EPS8: variants seen among roughly 807,000 people sequenced by gnomAD.
EPS8 encodes the protein epidermal growth factor receptor kinase substrate 8.
EPS8 carries 42 observed loss-of-function variants against 103.8 expected under a neutral mutation model. The ratio of observed to expected loss-of-function variants is 0.40; its 90% confidence interval spans 0.32 to 0.52. The LOEUF (loss-of-function observed/expected upper bound fraction) is 0.52, where lower values mean the gene tolerates loss of function less well. EPS8 is among the 20% of genes least tolerant of loss of function. The probability of loss-of-function intolerance (pLI) is 0.40; values close to 1 mark genes in which losing one functional copy is unlikely to be tolerated. For synonymous variants in EPS8, 344 were observed against 344.6 expected (o/e 1.00, Z 0.02); for missense variants, 969 against 1,005.1 (o/e 0.96, Z 0.49).
chr12:15,667,929 A>G (rs1392376461), intron 6 of EPS8, among the ~76,000 whole-genome samples: 1 of 152,130 alleles, frequency 6.6e-6, no homozygotes, highest in Non-Finnish European at 1.5e-5. Flanking sequence ...TTTGTTCCCA[A>G]ACCTAAAATC....
chr12:15,626,725 C>T (rs778486285), intron 18 of EPS8, among the ~76,000 whole-genome samples: 3 of 151,686 alleles, frequency 2.0e-5, no homozygotes, highest in Non-Finnish European at 4.4e-5. Flanking sequence ...AAAGGCCCTA[C>T]AAGACCTCCA....
chr12:15,673,300 A>G (rs1945847757), intron 3 of EPS8, among the ~76,000 whole-genome samples: 1 of 151,840 alleles, frequency 6.6e-6, no homozygotes, highest in Non-Finnish European at 1.5e-5. Flanking sequence ...AAATGTATAA[A>G]TGCCATAAAT....
chr12:15,664,314 CT>C (rs1464109314), intron 8 of EPS8, among the ~76,000 whole-genome samples: 3 of 151,750 alleles, frequency 2.0e-5, no homozygotes, highest in East Asian at 3.9e-4. Flanking sequence ...TCAAAGAATT[CT>C]TTTTTTCATA....
intron 15 of EPS8, among the ~76,000 whole-genome samples, chr12:15,644,326 G>C (rs1463327442): frequency 6.6e-6 from 1 of 152,102 alleles, no homozygotes; most frequent in Non-Finnish European, 1.5e-5. Flanking sequence ...GGCATCTCTG[G>C]AGTCTCTCTG....
At chr12:15,715,305 T>A (rs1946517508) in intron 1 of EPS8, among the ~76,000 whole-genome samples, 1 of 150,918 alleles carries the variant, frequency 6.6e-6, no homozygotes, top group Non-Finnish European at 1.5e-5. Context: ...CAGCCCAACA[T>A]CCCCCTTGGC....
At chr12:15,788,826 C>G (rs1207763225) in intron 1 of EPS8, among the ~76,000 whole-genome samples, 3 of 152,162 alleles carry the variant, frequency 2.0e-5, no homozygotes, top group Non-Finnish European at 2.9e-5. Context: ...GCAGTCGCCC[C>G]ACGGACCAGA....
In EPS8 at chr12:15,667,040, T is replaced by C. The variant is rs191248142; in HGVS notation, c.517-518A>G. ...TGTCACTTCAGGTAAAAGTTAACTT[T>C]CTGCAAACAATTAACTTTTCCACTA... On this transcript the variant is annotated intron_variant, in intron 6 of 20. Transcript: ENST00000281172. 6.6e-5 allele frequency among the ~76,000 whole-genome samples: 10 copies of C among 152,338 alleles called. No individual in the cohort carries two copies. The East Asian group carries it at 1.5e-3, about 23-fold the overall frequency.
rs1399153452 is a variant in EPS8 at position 15,760,761 on chromosome 12, AAAAACCCTC to A, written c.-22+28391_-22+28399del. Among the ~76,000 whole-genome samples, 2 of 152,128 alleles carry A rather than the reference AAAAACCCTC, an allele frequency of 1.3e-5. No individual in the cohort carries two copies. The highest frequency in any genetic ancestry group is 2.9e-5 in the Non-Finnish European group (2 of 67,958). On this transcript the variant is annotated intron_variant, in intron 1 of 20. Coordinates refer to ENST00000281172, the MANE Select transcript of EPS8 (RefSeq NM_004447.6). This position sits in a 1 kb window ranked among gnomAD's most constrained non-coding sequence, Gnocchi z 4.5. ...ATTAAATTTAACATCCCTTCATGAT[AAAAACCCTC>A]AAAAAGCTGGGAACAGAAAGAATAT...
intron 15 of EPS8, among the ~76,000 whole-genome samples, chr12:15,645,961 A>G (rs545380862): frequency 6.6e-6 from 1 of 152,344 alleles, no homozygotes; most frequent in South Asian, 2.1e-4. Flanking sequence ...ATCTGAAATG[A>G]TTTCTAAAAT....
At chr12:15,674,340 T>C (rs1323733688) in intron 3 of EPS8, among the ~76,000 whole-genome samples, 9 of 152,148 alleles carry the variant, frequency 5.9e-5, no homozygotes, top group Admixed American at 1.3e-4. Context: ...AGTATTCCTC[T>C]CTCTAAATAA....
intron 1 of EPS8, among the ~76,000 whole-genome samples, chr12:15,746,494 A>G (rs1946876644): frequency 6.6e-6 from 1 of 152,118 alleles, no homozygotes; most frequent in African/African-American, 2.4e-5. Flanking sequence ...TGGTCTTCCA[A>G]TTTTAAATAA....
intron 18 of EPS8, among the ~76,000 whole-genome samples, chr12:15,630,237 C>T (rs998965201): frequency 6.6e-6 from 1 of 152,018 alleles, no homozygotes; most frequent in Admixed American, 6.6e-5. Context: ...TACACACACA[C>T]ACTTCATATA....
Position 15,669,517 on chromosome 12 carries a change from G to A in EPS8, c.386C>T (p.Pro129Leu). The A allele has an allele frequency of 6.2e-7, 1 of 1,602,446 alleles. No individual in the cohort carries two copies. The highest frequency in any genetic ancestry group is 8.5e-7 in the Non-Finnish European group (1 of 1,175,388). The change falls in exon 6 of 21, where the codon CCT becomes CTT. Residue 129 changes from proline to leucine, a missense_variant. Coordinates refer to ENST00000281172, the MANE Select transcript of EPS8 (RefSeq NM_004447.6). ...LESKNELENF[P>L]LNTIQHCQAV... ...TTGGCAGTGCTGGATTGTGTTTAAA[G>A]GAAAATTCTCCAGTTCATTCTATAA...
chr12:15,675,214 A>T (rs1945882909), intron 3 of EPS8, among the ~76,000 whole-genome samples: 1 of 152,208 alleles, frequency 6.6e-6, no homozygotes, highest in African/African-American at 2.4e-5. Context: ...AATTCTTACC[A>T]ACACCTCCTT....
At chr12:15,631,771 G>A (rs772911567) in intron 17 of EPS8, 107 bp from the exon 18 acceptor site, 69 of 798,160 alleles carry the variant, frequency 8.6e-5, no homozygotes, top group Non-Finnish European at 1.4e-4. Flanking sequence ...AAACTTACTT[G>A]CAAACCCATT....
chr12:15,739,908 T>C (rs1456204154), intron 1 of EPS8, among the ~76,000 whole-genome samples: 1 of 152,170 alleles, frequency 6.6e-6, no homozygotes, highest in African/African-American at 2.4e-5. Flanking sequence ...GAGGTCACTT[T>C]AGATAGTTTT....
intron 2 of EPS8, 70 bp from the exon 3 acceptor site, chr12:15,681,372 T>G: frequency 1.6e-6 from 1 of 610,588 alleles, no homozygotes. Context: ...AAGTCCAATA[T>G]AAGTAACAGA....
chr12:15,692,040 C>G (rs1946179770), intron 1 of EPS8, among the ~76,000 whole-genome samples: 1 of 152,104 alleles, frequency 6.6e-6, no homozygotes, highest in Non-Finnish European at 1.5e-5. Flanking sequence ...CTCTAAGGCT[C>G]CGAAGAGCTT....
chr12:15,770,357 T>C (rs1947141420), intron 1 of EPS8, among the ~76,000 whole-genome samples: 1 of 151,584 alleles, frequency 6.6e-6, no homozygotes, highest in Admixed American at 6.6e-5. Flanking sequence ...ACATTATTCA[T>C]ACTATTAAAA....
Sources: allele counts gnomAD v4.1 joint callset (sites outside exome capture counted in the v4.1 genomes callset), GRCh38; gene constraint gnomAD v4.1.1; non-coding constraint Gnocchi (gnomAD v3.1); transcripts MANE v1.5; gene names NCBI Gene and HGNC (gene_info 2026-07-23, HGNC 2026-07-21).